Variants in SELP observed in about 807,000 individuals in gnomAD.
SELP encodes selectin P, also known as P-selectin.
Under a neutral mutation model 104.1 loss-of-function variants are expected in SELP, and 92 were observed. The ratio of observed to expected loss-of-function variants is 0.88; its 90% CI spans 0.75 to 1.05. The LOEUF is 1.05. Among genes scored for constraint, SELP ranks in the 50% least tolerant of loss-of-function variants. The pLI, the probability that SELP is intolerant of heterozygous loss-of-function variation, is 0.00. For missense variants in SELP, 1,022 were observed against 1,017.3 expected, an observed-to-expected ratio of 1.00 and a Z score of -0.06; for synonymous variants, 397 against 364.5, an observed-to-expected ratio of 1.09 and a Z score of -1.01.
chr1:169,592,795 A>T (rs1158767224), intron 14 of SELP, among the ~76,000 whole-genome samples: 2 of 152,176 alleles, frequency 1.3e-5, no homozygotes, highest in Non-Finnish European at 2.9e-5. Context: ...CAGGTCACCA[A>T]TACAGGGGCA....
At chr1:169,622,778 T>C (rs1663201816) in intron 1 of SELP, among the ~76,000 whole-genome samples, 1 of 152,176 alleles carries the variant, frequency 6.6e-6, no homozygotes, top group South Asian at 2.1e-4. Flanking sequence ...ACTTTAAGCT[T>C]AAAATGTGTA....
intron 15 of SELP, among the ~76,000 whole-genome samples, chr1:169,590,452 T>G (rs1661300701): frequency 6.6e-6 from 1 of 152,244 alleles, no homozygotes; most frequent in Admixed American, 6.5e-5. Flanking sequence ...TGTTATACCC[T>G]CTAAGTTGCT....
chr1:169,602,394 A>G (rs113817700), intron 10 of SELP, among the ~76,000 whole-genome samples: 77 of 152,322 alleles, frequency 5.1e-4, no homozygotes, highest in Middle Eastern at 6.8e-3. Context: ...TGAAGAAATG[A>G]AGAATGTAGC....
Position 169,603,209 on chromosome 1 carries a change from T to G in SELP, c.1522A>C (p.Ile508Leu). ...WNSVPPECQA[I>L]PCTPLLSPQN... is the part of the protein sequence containing the mutation. ...GGGCTTAGCAAAGGTGTGCAGGGAA[T>G]GGCTATCATGGGCATGGCAGAGGAG... Residue 508 changes from isoleucine to leucine, a missense_variant and splice_region_variant, in exon 10 of 17, where the codon ATT becomes CTT. Coordinates refer to ENST00000263686, the MANE Select transcript of SELP (RefSeq NM_003005.4). The G allele has an allele frequency of 6.2e-7, 1 of 1,609,428 alleles. No individual in the cohort carries two copies. The highest frequency in any genetic ancestry group is 8.5e-7 in the Non-Finnish European group (1 of 1,176,274).
intron 13 of SELP, among the ~76,000 whole-genome samples, chr1:169,594,178 A>C (rs1404179884): frequency 3.9e-5 from 6 of 152,242 alleles, no homozygotes; most frequent in Non-Finnish European, 7.3e-5. Flanking sequence ...GTTTAGGCAA[A>C]TAAAATAAAC....
chr1:169,611,591 A>G lies in SELP; in HGVS notation c.1048T>C (p.Cys350Arg), dbSNP rs1282243964. The part of the protein sequence containing the change: ...PLTAFAYGSS[C>R]KFECQPGYRV... ...TAGCCGGGCTGGCACTCAAATTTAC[A>G]GCTGGAGCCATAGGCAAAAGCAGTG... Residue 350 changes from cysteine to arginine, a missense_variant, in exon 7 of 17, where the codon TGT (cysteine) becomes CGT (arginine). Transcript: ENST00000263686. The G allele has an allele frequency of 1.9e-6, 3 of 1,614,026 alleles. No homozygotes were observed. Among genetic ancestry groups the G allele is most frequent in the African/African-American group, 2.7e-5 (2 of 74,896 alleles).
rs1356119516 is a variant in SELP at position 169,597,160 on chromosome 1, T to A, written c.1722A>T (p.Glu574Asp). The A allele has an allele frequency of 6.3e-7, 1 of 1,596,244 alleles. No individual in the cohort carries two copies. The highest frequency in any genetic ancestry group is 1.1e-5 in the South Asian group (1 of 89,238). The change falls in exon 11 of 17, where the codon GAA becomes GAT. Residue 574 changes from glutamate to aspartate, a missense_variant. Physicochemically the swap from Glu to Asp is conservative, Grantham distance 45 (BLOSUM62 2). Coordinates refer to ENST00000263686, the MANE Select transcript of SELP (RefSeq NM_003005.4). ...GGCTGCCCTGCTCTGGGGCAAAGAG[T>A]TCTGGGCACTTGATGGCTAGAGTAT... ...PPMCEAIKCP[E>D]LFAPEQGSLD...
Position 169,613,128 on chromosome 1 carries a change from A to C in SELP, c.590-14T>G. On this transcript the variant is annotated splice_polypyrimidine_tract_variant and intron_variant, in intron 4 of 16. Coordinates refer to ENST00000263686, the MANE Select transcript of SELP (RefSeq NM_003005.4). ...CACACTCTCTCACTGCAGGAGACAA[A>C]ATAGTGATTTTTATTTTCCATGTAG... The C allele has an allele frequency of 6.4e-7, 1 of 1,562,876 alleles. No homozygotes were observed. Among genetic ancestry groups the C allele is most frequent in the Non-Finnish European group, 8.7e-7 (1 of 1,152,824 alleles).
chr1:169,616,955 TTA>T, intron 3 of SELP, 71 bp downstream of exon 3: 1 of 1,349,994 alleles, frequency 7.4e-7, no homozygotes, highest in Non-Finnish European at 9.6e-7. Flanking sequence ...GACTCGGTGG[TTA>T]TGTTGGCCAA....
At chr1:169,616,284 T>C (rs978493479) in intron 3 of SELP, among the ~76,000 whole-genome samples, 1 of 152,250 alleles carries the variant, frequency 6.6e-6, no homozygotes, top group African/African-American at 2.4e-5. Flanking sequence ...TCCTTGGTTA[T>C]ATTCTCAAAT....
chr1:169,627,521 A>G (rs1419035341), intron 1 of SELP, among the ~76,000 whole-genome samples: 1 of 152,236 alleles, frequency 6.6e-6, no homozygotes, highest in African/African-American at 2.4e-5. Context: ...TTTGCTCTGT[A>G]TTTGACTTCA....
In SELP at chr1:169,595,369, G is replaced by A. The variant is rs3917823; in HGVS notation, c.2102-492C>T. ...GGTTATTCTTTCTAATTTATGGATA[G>A]GAAATTAAAGGTCAAGAAATTAGAT... On this transcript the variant is annotated intron_variant, in intron 12 of 16. Coordinates refer to ENST00000263686, the MANE Select transcript of SELP (RefSeq NM_003005.4). 2.2e-3 allele frequency among the ~76,000 whole-genome samples: 340 copies of A among 152,186 alleles called. 3 individuals carry two copies. The highest frequency in any genetic ancestry group is 7.7e-3 in the African/African-American group (321 of 41,528).
chr1:169,589,780 G>T (rs533361667), intron 16 of SELP, among the ~76,000 whole-genome samples: 71 of 152,244 alleles, frequency 4.7e-4, no homozygotes, highest in African/African-American at 1.6e-3. Context: ...TTTCCAGCAG[G>T]TAGCATAGGG....
At chr1:169,596,214 C>T (rs1661603185) in intron 11 of SELP, 80 bp from the exon 12 acceptor site, 5 of 1,245,476 alleles carry the variant, frequency 4.0e-6, no homozygotes, top group Non-Finnish European at 5.8e-6. Flanking sequence ...TCTGGAATAA[C>T]TGCTTTTCAC....
At chr1:169,595,017 T>A in intron 12 of SELP, 140 bp from the exon 13 acceptor site, 1 of 653,524 alleles carries the variant, frequency 1.5e-6, no homozygotes, top group South Asian at 2.1e-5. Flanking sequence ...CTTCCAATAT[T>A]CACAGTAGCT....
Position 169,610,758 on chromosome 1 carries a change from G to A in SELP, c.1147+734C>T, listed in dbSNP as rs3917735. ...CGTGCCACTGCACTTCAGCCTGGGC[G>A]ACAGAGTGAGACTCTGTCTCAAAAC... On this transcript the variant is annotated intron_variant, in intron 7 of 16. Coordinates refer to ENST00000263686, the MANE Select transcript of SELP (RefSeq NM_003005.4). 5.4e-3 allele frequency among the ~76,000 whole-genome samples: 814 copies of A among 152,098 alleles called. 13 individuals carry two copies. Among genetic ancestry groups the A allele is most frequent in the African/African-American group, 0.012 (510 of 41,428 alleles).
chr1:169,590,157 C>G lies in SELP; in HGVS notation c.2484G>C (p.Pro828=). 1 of 1,611,506 alleles carries G rather than the reference C, an allele frequency of 6.2e-7. No homozygotes were observed. Among genetic ancestry groups the G allele is most frequent in the Non-Finnish European group, 8.5e-7 (1 of 1,177,682 alleles). Residue 828 remains proline (P), a synonymous_variant, in exon 16 of 17, where the codon CCG becomes CCC. Coordinates refer to ENST00000263686, the MANE Select transcript of SELP (RefSeq NM_003005.4). ...YGVFTNAAFD[P]SP ...TTATAGGGATCTTACCTTAAGGACT[C>G]GGGTCAAATGCAGCGTTTGTAAAAA...
intron 10 of SELP, 49 bp from the exon 11 acceptor site, chr1:169,597,225 T>G (rs910179869): frequency 1.4e-6 from 2 of 1,476,876 alleles, no homozygotes; most frequent in African/African-American, 2.9e-5. Context: ...TATTCAGAAG[T>G]TCTGTGTTAC....
intron 14 of SELP, 56 bp from the exon 15 acceptor site, chr1:169,591,512 G>C: frequency 7.9e-7 from 1 of 1,268,536 alleles, no homozygotes; most frequent in Non-Finnish European, 1.1e-6. Context: ...CAAGATGAAA[G>C]AGAGGGTCAT....
Sources: gnomAD v4.1 joint callset for allele counts (sites outside exome capture counted in the v4.1 genomes callset) on GRCh38, gnomAD v4.1.1 for gene constraint, MANE v1.5 for transcripts, NCBI Gene and HGNC (gene_info 2026-07-23, HGNC 2026-07-21) for gene names.